FRMPD4: variants seen among roughly 807,000 people sequenced by gnomAD.
The protein encoded by FRMPD4 is FERM and PDZ domain-containing protein 4.
A neutral mutation model predicts 94.1 loss-of-function variants in FRMPD4; 22 were observed. The ratio of observed to expected loss-of-function variants is 0.23; its 90% CI spans 0.17 to 0.33. FRMPD4 has a LOEUF of 0.33. Ranked by LOEUF, FRMPD4 falls within the 10% of genes least tolerant of loss-of-function variation. FRMPD4 has a pLI of 1.00. For missense variants in FRMPD4, 1,111 were observed against 1,339.9 expected (o/e 0.83, Z 2.67); for synonymous variants, 631 against 548.6 (o/e 1.15, Z -2.10).
chrX:12,230,964 AAAT>A (rs2056982975), intron 1 of FRMPD4, among the ~76,000 whole-genome samples: 4 of 68,192 alleles, frequency 5.9e-5, no homozygotes, highest in East Asian at 3.8e-4. Flanking sequence ...TATATATAGT[AAAT>A]ATATAGTAAT....
chrX:12,078,028 C>T lies in FRMPD4; in HGVS notation c.95+200010C>T, dbSNP rs377522319. Among the ~76,000 whole-genome samples, 6 of 112,000 alleles carry T rather than the reference C, an allele frequency of 5.4e-5. No homozygotes were observed. In the East Asian group the frequency reaches 1.1e-3, roughly 21 times the overall value. On this transcript the variant is annotated intron_variant, in intron 3 of 18. Transcript: ENST00000640291. ...TGCTGGTGTCAGCCAGGGCTACAGT[C>T]ACCTGTAGCCAGACTGGAGAAAGAT... is the stretch of plus-strand genomic sequence containing the variant.
At chrX:12,210,226 CAT>C (rs1254470842) in intron 1 of FRMPD4, among the ~76,000 whole-genome samples, 1 of 112,281 alleles carries the variant, frequency 8.9e-6, no homozygotes, top group Non-Finnish European at 1.9e-5. Context: ...ATACATCAAA[CAT>C]GTGTCTCAAG....
chrX:11,836,037 G>A (rs1371798318), intron 1 of FRMPD4, among the ~76,000 whole-genome samples: 1 of 111,549 alleles, frequency 9.0e-6, no homozygotes, highest in Non-Finnish European at 1.9e-5. Flanking sequence ...CAGTATACAT[G>A]TATTACTAGA....
At chrX:12,650,531 C>A (rs2059587163) in intron 4 of FRMPD4, among the ~76,000 whole-genome samples, 1 of 111,994 alleles carries the variant, frequency 8.9e-6, no homozygotes, top group Admixed American at 9.4e-5. Context: ...GAGTGGAGAG[C>A]TACTGGAGGT....
intron 3 of FRMPD4, among the ~76,000 whole-genome samples, chrX:12,009,611 C>A (rs2054571421): frequency 8.9e-6 from 1 of 112,147 alleles, no homozygotes; most frequent in African/African-American, 3.2e-5. Flanking sequence ...TAAACTTGGC[C>A]TGGGTAGACT....
intron 13 of FRMPD4, among the ~76,000 whole-genome samples, chrX:12,709,434 C>CT (rs747298521): frequency 4.5e-5 from 5 of 111,768 alleles, no homozygotes; most frequent in Admixed American, 1.9e-4. Context: ...TCATCCAACA[C>CT]TTTTTTTTCC....
At chrX:11,935,241 G>GTT (rs1226605735) in intron 3 of FRMPD4, among the ~76,000 whole-genome samples, 1 of 10,612 alleles carries the variant, frequency 9.4e-5, no homozygotes, top group African/African-American at 3.6e-4. Flanking sequence ...TGTTTGCTTT[G>GTT]TTTTGTTGTT....
rs767000190 is a variant in FRMPD4 at position 11,851,540 on chromosome X, C to A, written c.-160-13546C>A. ...CCTTTACTAGGTATCCAAATAGTAT[C>A]CCATTTTAATAAGTAAGTAGTTGAC... is the stretch of plus-strand genomic sequence containing the variant. On this transcript the variant is annotated intron_variant, in intron 1 of 18. Transcript: ENST00000640291. 1.2e-4 allele frequency among the ~76,000 whole-genome samples: 13 copies of A among 111,331 alleles called. No homozygotes were observed. The South Asian group carries it at 3.5e-3, about 30-fold the overall frequency.
At chrX:12,587,726 CCT>C (rs2058945387) in intron 2 of FRMPD4, among the ~76,000 whole-genome samples, 1 of 109,946 alleles carries the variant, frequency 9.1e-6, no homozygotes, top group Middle Eastern at 4.3e-3. Flanking sequence ...GTTGTTTCTA[CCT>C]CTTAGTTCTC....
chrX:12,609,473 C>T (rs971393990), intron 2 of FRMPD4, among the ~76,000 whole-genome samples: 4 of 111,400 alleles, frequency 3.6e-5, no homozygotes, highest in African/African-American at 6.5e-5. Flanking sequence ...CAAGCTTGAG[C>T]GAGGTGAGGC....
At chrX:12,499,962 C>T (rs1354878765) in intron 2 of FRMPD4, among the ~76,000 whole-genome samples, 1 of 111,983 alleles carries the variant, frequency 8.9e-6, no homozygotes, top group Non-Finnish European at 1.9e-5. Flanking sequence ...TTTTGAGGAA[C>T]CACCAAACTG....
intron 1 of FRMPD4, among the ~76,000 whole-genome samples, chrX:12,362,911 G>A (rs1301016360): frequency 3.6e-5 from 4 of 112,040 alleles, no homozygotes; most frequent in African/African-American, 9.8e-5. Flanking sequence ...ACTGGTGTGA[G>A]ATGGTATCTC....
chrX:12,251,818 C>G (rs1235073115), intron 1 of FRMPD4, among the ~76,000 whole-genome samples: 1 of 111,882 alleles, frequency 8.9e-6, no homozygotes, highest in Non-Finnish European at 1.9e-5. Flanking sequence ...TGTCTAAAAG[C>G]AGAAGGTCTA....
intron 1 of FRMPD4, among the ~76,000 whole-genome samples, chrX:12,148,056 A>C (rs1406075379): frequency 8.9e-6 from 1 of 111,905 alleles, no homozygotes; most frequent in Non-Finnish European, 1.9e-5. Flanking sequence ...CAATATTGAA[A>C]TCAGGCCAAT....
intron 3 of FRMPD4, among the ~76,000 whole-genome samples, chrX:12,016,546 G>A (rs1326830221): frequency 8.9e-6 from 1 of 111,739 alleles, no homozygotes; most frequent in African/African-American, 3.3e-5. Context: ...AATATTTAGT[G>A]TGCTTATTTG....
intron 2 of FRMPD4, among the ~76,000 whole-genome samples, chrX:12,581,402 G>A (rs1283676065): frequency 9.2e-6 from 1 of 108,370 alleles, no homozygotes; most frequent in Admixed American, 1.0e-4. Flanking sequence ...GGCAATCTCA[G>A]CAGAGAACTA....
intron 1 of FRMPD4, among the ~76,000 whole-genome samples, chrX:12,175,799 CCA>C (rs1328627421): frequency 1.8e-5 from 2 of 111,651 alleles, no homozygotes; most frequent in Non-Finnish European, 3.8e-5. Context: ...CAGGCATGAG[CCA>C]CAGCGCCCGG....
chrX:12,572,052 T>G (rs943874079), intron 2 of FRMPD4, among the ~76,000 whole-genome samples: 11 of 112,240 alleles, frequency 9.8e-5, no homozygotes, highest in Admixed American at 4.7e-4. Flanking sequence ...TCTCCAAGTG[T>G]GTTATTATTC....
At chrX:12,264,842 G>C (rs1320742691) in intron 1 of FRMPD4, among the ~76,000 whole-genome samples, 3 of 112,138 alleles carry the variant, frequency 2.7e-5, no homozygotes, top group Non-Finnish European at 5.6e-5. Context: ...ATGGGGTTGG[G>C]TTGTATTAAG....
Sources: allele counts gnomAD v4.1 joint callset (sites outside exome capture counted in the v4.1 genomes callset), GRCh38; gene constraint gnomAD v4.1.1; transcripts MANE v1.5; gene names NCBI Gene and HGNC (gene_info 2026-07-23, HGNC 2026-07-21).